Variants in CATSPERE observed in about 807,000 individuals in gnomAD.
CATSPERE encodes the protein cation channel sperm-associated auxiliary subunit epsilon.
A neutral mutation model predicts 114.1 loss-of-function variants in CATSPERE; 93 were observed. The ratio of observed to expected loss-of-function variants is 0.81; its 90% CI spans 0.69 to 0.97. The LOEUF (loss-of-function observed/expected upper bound fraction) is 0.97. Among genes scored for constraint, CATSPERE ranks in the 50% least tolerant of loss-of-function variants. The pLI is 0.00. For missense variants in CATSPERE, 1,058 were observed against 1,131.6 expected (o/e 0.93, Z 0.93); for synonymous variants, 341 against 384.1 (o/e 0.89, Z 1.31).
intron 8 of CATSPERE, among the ~76,000 whole-genome samples, chr1:244,526,650 CTTT>C (rs1330027997): frequency 3.7e-5 from 5 of 134,400 alleles, no homozygotes; most frequent in East Asian, 2.2e-4. Flanking sequence ...TAGTCTTTTT[CTTT>C]TTTTTTTTTT....
At position 244,583,428 on chromosome 1, in the gene CATSPERE, C is replaced by A. The variant is rs986827903; in HGVS notation, c.2010-436C>A. On this transcript the variant is annotated intron_variant, in intron 12 of 21. Coordinates refer to ENST00000366534, the MANE Select transcript of CATSPERE (RefSeq NM_001130957.2). ...CTCAGAAAACTAATTTTACAACTCA[C>A]TCTTTATTGTCCAAAGGTGCTATCA... Among the ~76,000 whole-genome samples the A allele has an allele frequency of 2.0e-5, 3 of 152,248 alleles. No individual in the cohort carries two copies. In the East Asian group the frequency reaches 5.8e-4, roughly 29 times the overall value.
chr1:244,637,884 T>C (rs1674830609), intron 21 of CATSPERE, among the ~76,000 whole-genome samples: 1 of 152,220 alleles, frequency 6.6e-6, no homozygotes, highest in Admixed American at 6.5e-5. Context: ...ACGCCCTCTA[T>C]TCCAGATTGC....
chr1:244,478,087 A>AT, intron 4 of CATSPERE, 112 bp downstream of exon 4: 1 of 739,756 alleles, frequency 1.4e-6, no homozygotes, highest in Non-Finnish European at 2.2e-6. Context: ...CCTGTTTTAA[A>AT]TAGTATTAAT....
chr1:244,606,683 C>A (rs2148680599), intron 18 of CATSPERE, among the ~76,000 whole-genome samples: 1 of 149,108 alleles, frequency 6.7e-6, no homozygotes, highest in South Asian at 2.1e-4. Context: ...TTCACTGCAA[C>A]CTCCACCTCC....
intron 20 of CATSPERE, among the ~76,000 whole-genome samples, chr1:244,619,898 A>G (rs1288723437): frequency 6.6e-6 from 1 of 152,230 alleles, no homozygotes; most frequent in East Asian, 1.9e-4. Flanking sequence ...ACTATTAGAA[A>G]CAGGGTAAGC....
intron 7 of CATSPERE, among the ~76,000 whole-genome samples, chr1:244,518,274 T>C (rs1264884937): frequency 6.6e-6 from 1 of 152,186 alleles, no homozygotes; most frequent in Admixed American, 6.5e-5. Context: ...TTTCAGAAAC[T>C]CTACTATGTA....
chr1:244,528,785 C>CCACGCACGCGCACACACACACA (rs1553342506), intron 8 of CATSPERE, among the ~76,000 whole-genome samples: 11 of 130,584 alleles, frequency 8.4e-5, no homozygotes, highest in African/African-American at 3.2e-4. Context: ...CAATCCCCCA[C>CCACGCACGCGCACACACACACA]CACACACACA....
intron 7 of CATSPERE, among the ~76,000 whole-genome samples, chr1:244,514,734 C>T (rs990248206): frequency 6.7e-6 from 1 of 148,260 alleles, no homozygotes; most frequent in East Asian, 2.0e-4. Context: ...GGGGCTGAGG[C>T]AGGAGAATGG....
At chr1:244,638,012 A>G (rs370203741) in intron 21 of CATSPERE, among the ~76,000 whole-genome samples, 12 of 152,218 alleles carry the variant, frequency 7.9e-5, no homozygotes, top group African/African-American at 2.7e-4. Context: ...TTTGCACACT[A>G]TCTGTTCCTC....
At position 244,572,625 on chromosome 1, in the gene CATSPERE, G is replaced by A. The variant is rs749284024; in HGVS notation, c.1803G>A (p.Lys601=). 3.1e-6 allele frequency: 5 copies of A among 1,614,066 alleles called. No individual in the cohort carries two copies. The Admixed American group carries it at 6.7e-5, about 22-fold the overall frequency. The change falls in exon 11 of 22, where the codon AAG becomes AAA. Residue 601 remains lysine, a synonymous_variant. Transcript: ENST00000366534. ...NVAHVFYFLD[K]GEALTVWTQI... is the part of the protein sequence containing the mutation. ...CTCATGTTTTTTACTTTTTGGACAA[G>A]GGAGAGGCTCTGACAGTTTGGACTC...
At chr1:244,635,729 AAAC>A (rs1383256157) in intron 21 of CATSPERE, among the ~76,000 whole-genome samples, 187 bp downstream of exon 21, 3 of 152,294 alleles carry the variant, frequency 2.0e-5, no homozygotes, top group Admixed American at 2.0e-4. Flanking sequence ...ATGAATCCTA[AAAC>A]AACAACAAAA....
intron 2 of CATSPERE, among the ~76,000 whole-genome samples, chr1:244,464,462 C>A (rs902414470): frequency 6.6e-6 from 1 of 151,770 alleles, no homozygotes; most frequent in Non-Finnish European, 1.5e-5. Context: ...CCATCACAAA[C>A]AATACTGGAA....
At chr1:244,509,114 G>C (rs1266159683) in intron 7 of CATSPERE, among the ~76,000 whole-genome samples, 4 of 151,750 alleles carry the variant, frequency 2.6e-5, no homozygotes, top group African/African-American at 9.7e-5. Flanking sequence ...GAATAGGAGT[G>C]GTAAAAGTGG....
At chr1:244,636,227 A>AC (rs1674613747) in intron 21 of CATSPERE, among the ~76,000 whole-genome samples, 1 of 151,348 alleles carries the variant, frequency 6.6e-6, no homozygotes, top group African/African-American at 2.4e-5. Flanking sequence ...TGAAGTTAGG[A>AC]CCCCAAATGA....
intron 10 of CATSPERE, among the ~76,000 whole-genome samples, chr1:244,569,333 G>A (rs532859252): frequency 5.9e-5 from 9 of 152,336 alleles, no homozygotes; most frequent in South Asian, 2.1e-4. Context: ...CGCCTTCTGC[G>A]TTGATCTCGC....
At chr1:244,556,173 G>A (rs538280596) in intron 9 of CATSPERE, among the ~76,000 whole-genome samples, 43 of 152,042 alleles carry the variant, frequency 2.8e-4, no homozygotes, top group Non-Finnish European at 5.4e-4. Flanking sequence ...ACTCTAGCTT[G>A]GGTGACAGAA....
chr1:244,580,790 C>T (rs373543819), intron 11 of CATSPERE, among the ~76,000 whole-genome samples: 1 of 151,972 alleles, frequency 6.6e-6, no homozygotes, highest in Non-Finnish European at 1.5e-5. Context: ...CGCCTGAGGT[C>T]GGGAGTTCAA....
chr1:244,453,197 G>C (rs765652614), upstream of CATSPERE, among the ~76,000 whole-genome samples: 1 of 152,166 alleles, frequency 6.6e-6, no homozygotes, highest in Non-Finnish European at 1.5e-5. Flanking sequence ...GATAATTGTT[G>C]TCTATCTTGG....
chr1:244,604,221 T>C (rs1175401979), intron 17 of CATSPERE, among the ~76,000 whole-genome samples: 1 of 152,164 alleles, frequency 6.6e-6, no homozygotes, highest in Admixed American at 6.5e-5. Context: ...TTCCTCCCCA[T>C]CAGAAAAGAA....
Sources: gnomAD v4.1 joint callset for allele counts (sites outside exome capture counted in the v4.1 genomes callset) on GRCh38, gnomAD v4.1.1 for gene constraint, MANE v1.5 for transcripts, NCBI Gene and HGNC (gene_info 2026-07-23, HGNC 2026-07-21) for gene names.